DUSP15: variants seen among roughly 807,000 people sequenced by gnomAD.
The protein encoded by DUSP15 is dual specificity phosphatase 15.
DUSP15 carries 23 observed loss-of-function variants against 26.3 expected under a neutral mutation model. That is an observed-to-expected ratio of 0.87 (90% CI 0.63 to 1.24). The LOEUF is 1.24. Ranked by LOEUF, DUSP15 falls within the 50% of genes most tolerant of loss-of-function variation. DUSP15 has a pLI of 0.00. For missense variants in DUSP15, 364 were observed against 320.6 expected, an observed-to-expected ratio of 1.14 and a Z score of -1.03; for synonymous variants, 143 against 135.5, an observed-to-expected ratio of 1.06 and a Z score of -0.39.
Position 31,861,159 on chromosome 20 carries a change from G to A in DUSP15, c.*244C>T. On this transcript the variant is annotated 3_prime_UTR_variant, in exon 7 of 7. Coordinates refer to ENST00000339738, the MANE Select transcript of DUSP15 (RefSeq NM_080611.5). ...TCCCCTCCCGCCGCCTTTAAGGGTG[G>A]GCCCCCTCCCCCAGCCCAAGGACTA... 7.5e-7 allele frequency: 1 copy of A among 1,328,564 alleles called. No individual in the cohort carries two copies. Among genetic ancestry groups the A allele is most frequent in the African/African-American group, 1.5e-5 (1 of 64,794 alleles). The allele number at this position is 1,328,564 out of a possible 1,614,324, so 82.3% of individuals were successfully genotyped here. A position where few individuals can be genotyped will look rare whatever the true frequency, so the allele number is the denominator to read the frequency against.
At chr20:31,850,760 G>T (rs2062455790) in intron 6 of DUSP15, 2 of 1,409,760 alleles carry the variant, frequency 1.4e-6, no homozygotes, top group Non-Finnish European at 2.0e-6. Context: ...GAGGAGGCAG[G>T]GCTGGGTGAG....
rs1403274285 is a variant in DUSP15 at position 31,870,125 on chromosome 20, C to T, written c.21+192G>A. The stretch of plus-strand genomic sequence containing the variant: ...AGTCACGGAGAGAGGGCGGACACAG[C>T]GGGGACAGAGACGCAGGGTCAGAGA... On this transcript the variant is annotated intron_variant, in intron 1 of 6. Transcript: ENST00000339738. The surrounding 1 kb of genome is among the most constrained non-coding windows in gnomAD (Gnocchi z 6.6). The T allele has an allele frequency of 7.3e-6, 9 of 1,237,702 alleles. No homozygotes were observed. In the East Asian group the frequency reaches 2.6e-4, roughly 35 times the overall value. The allele number at this position is 1,237,702 out of a possible 1,614,324, so 76.7% of individuals were successfully genotyped here.
intron 6 of DUSP15, among the ~76,000 whole-genome samples, chr20:31,855,927 C>G (rs1271648424): frequency 6.6e-6 from 1 of 152,046 alleles, no homozygotes; most frequent in Non-Finnish European, 1.5e-5. Context: ...GGGGGAGGCT[C>G]TCTCTTTTTT....
At position 31,861,668 on chromosome 20, in the gene DUSP15, C is replaced by T. The variant is rs776179652; in HGVS notation, c.443G>A (p.Arg148Gln). 28 of 541,038 alleles carry T rather than the reference C, an allele frequency of 5.2e-5. No homozygotes were observed. Among genetic ancestry groups the T allele is most frequent in the Admixed American group, 2.8e-4 (8 of 28,860 alleles). The allele number at this position is 541,038 out of a possible 1,614,324, so 33.5% of individuals were successfully genotyped here. The change falls in exon 7 of 7, where the codon CGG becomes CAG. Residue 148 changes from arginine to glutamine, a missense_variant. Coordinates refer to ENST00000339738, the MANE Select transcript of DUSP15 (RefSeq NM_080611.5). ...FGWASSQKLR[R>Q]QLEERFGESP... ...CTCGCCGAAGCGCTCCTCCAGCTGC[C>T]GGCGAAGCTGGGGTGGGCGGGTGAG...
downstream of DUSP15, among the ~76,000 whole-genome samples, chr20:31,857,237 C>G (rs2062575327): frequency 1.3e-5 from 2 of 151,532 alleles, no homozygotes; most frequent in African/African-American, 4.9e-5. Flanking sequence ...GGGAAGAGAG[C>G]CCAGAATTGA....
At chr20:31,859,468 G>A (rs1360200086), downstream of DUSP15, among the ~76,000 whole-genome samples, 1 of 152,096 alleles carries the variant, frequency 6.6e-6, no homozygotes, top group Non-Finnish European at 1.5e-5. Context: ...CACAAAGCTG[G>A]GCACCCAGCC....
Position 31,862,632 on chromosome 20 carries a change from G to A in DUSP15, c.374C>T (p.Ala125Val), listed in dbSNP as rs761115143. The change falls in exon 6 of 7, where the codon GCC becomes GTC. Residue 125 changes from alanine to valine, a missense_variant. By Grantham distance (64) the Ala-to-Val change is moderately conservative (BLOSUM62 0). Transcript: ENST00000339738. ...LEAIKATRPIANPNPGFRQQL... is the reference protein window; with the variant it reads ...LEAIKATRPIVNPNPGFRQQL... ...CTGCCTAAAGCCTGGGTTGGGGTTGGCGATGGGCCTGGTGGCCTTGATGGC... is the reference window on the plus strand; with the variant it reads ...CTGCCTAAAGCCTGGGTTGGGGTTGACGATGGGCCTGGTGGCCTTGATGGC... The A allele has an allele frequency of 6.2e-6, 10 of 1,613,994 alleles. No homozygotes were observed. The highest frequency in any genetic ancestry group is 1.7e-6 in the Non-Finnish European group (2 of 1,180,022).
Position 31,867,102 on chromosome 20 carries a change from G to C in DUSP15, c.107C>G (p.Ser36Cys). 1 of 1,591,280 alleles carries C rather than the reference G, an allele frequency of 6.3e-7. No homozygotes were observed. The highest frequency in any genetic ancestry group is 8.6e-7 in the Non-Finnish European group (1 of 1,168,324). Reference protein sequence around the residue: ...LGRNKITHIISIHESPQPLLQ... With the variant: ...LGRNKITHIICIHESPQPLLQ... ...CAGAGGCTGGGGTGACTCATGGATA[G>C]AGATGATGTGTGTGATCTTATTTCG... The change falls in exon 3 of 7, where the codon TCT (serine) becomes TGT (cysteine). Residue 36 changes from serine (S) to cysteine (C), a missense_variant. By Grantham distance (112) the Ser-to-Cys change is moderately radical. Transcript: ENST00000339738.
intron 3 of DUSP15, among the ~76,000 whole-genome samples, 188 bp from the exon 4 acceptor site, chr20:31,865,190 C>T (rs1198210747): frequency 3.9e-5 from 6 of 152,126 alleles, no homozygotes; most frequent in African/African-American, 1.4e-4. Context: ...CTTGTGATTC[C>T]TGAACCTTCT....
chr20:31,870,519 G>A lies in DUSP15; in HGVS notation c.-182C>T, dbSNP rs2062901196. The stretch of plus-strand genomic sequence containing the variant: ...CACCGCCCGCCGACCCCCGGCCCGG[G>A]AGGGAAATGGTGGTGGAGCCGCCGC... On this transcript the variant is annotated 5_prime_UTR_variant, in exon 1 of 7. Transcript: ENST00000339738. The surrounding 1 kb of genome is among the most constrained non-coding windows in gnomAD (Gnocchi z 6.6). 10 of 1,435,256 alleles carry A rather than the reference G, an allele frequency of 7.0e-6. No homozygotes were observed. Among genetic ancestry groups the A allele is most frequent in the Non-Finnish European group, 9.1e-6 (10 of 1,097,654 alleles). 88.9% of individuals were successfully genotyped at this position (1,435,256 alleles called of 1,614,324 possible).
chr20:31,864,479 C>T, intron 4 of DUSP15: 2 of 1,053,036 alleles, frequency 1.9e-6, no homozygotes, highest in Non-Finnish European at 2.3e-6. Context: ...CAGTTATACT[C>T]CAGGCCCTAT....
Position 31,870,403 on chromosome 20 carries a change from T to G in DUSP15, c.-66A>C. The G allele has an allele frequency of 7.8e-7, 1 of 1,288,234 alleles. No individual in the cohort carries two copies. The highest frequency in any genetic ancestry group is 2.9e-5 in the East Asian group (1 of 34,182). The allele number at this position is 1,288,234 out of a possible 1,614,324, so 79.8% of individuals were successfully genotyped here. The stretch of plus-strand genomic sequence containing the variant: ...GCCCGGGAAGCGATCCGGTCACAGC[T>G]GCCCTGACGGCCCAGGCCCGACGCC... On this transcript the variant is annotated 5_prime_UTR_variant, in exon 1 of 7. Transcript: ENST00000339738. The surrounding 1 kb of genome is among the most constrained non-coding windows in gnomAD (Gnocchi z 6.6).
chr20:31,857,573 C>T (rs775731507), downstream of DUSP15, among the ~76,000 whole-genome samples: 5 of 152,216 alleles, frequency 3.3e-5, no homozygotes, highest in Non-Finnish European at 5.9e-5. Context: ...CCTCATCTGC[C>T]TCCACTCCCT....
At chr20:31,867,585 C>T (rs1254334305) in intron 2 of DUSP15, among the ~76,000 whole-genome samples, 2 of 150,110 alleles carry the variant, frequency 1.3e-5, no homozygotes, top group African/African-American at 2.5e-5. Context: ...CAGTGTGCCG[C>T]CATTAAAAAG....
chr20:31,845,955 TAGAGACATCACAAGAGGGAGAAAGAGGG>T (rs939838636), downstream of DUSP15, among the ~76,000 whole-genome samples: 7 of 145,102 alleles, frequency 4.8e-5, no homozygotes, highest in Non-Finnish European at 9.2e-5. Flanking sequence ...CAGAGAGAGG[TAGAGACATCACAAGAGGGAGAAAGAGGG>T]AGAGACAAAG....
chr20:31,862,293 C>T (rs1403047460), intron 6 of DUSP15, among the ~76,000 whole-genome samples: 1 of 152,144 alleles, frequency 6.6e-6, no homozygotes, highest in African/African-American at 2.4e-5. Flanking sequence ...CAGGTTCCAG[C>T]CAGGTAGGGC....
intron 3 of DUSP15, among the ~76,000 whole-genome samples, chr20:31,866,822 T>A (rs1211944763): frequency 6.6e-6 from 1 of 152,170 alleles, no homozygotes; most frequent in Non-Finnish European, 1.5e-5. Context: ...AGACTTCTGG[T>A]GCTAGATGGC....
At chr20:31,848,494 G>A in exon 10 of DUSP15, 1 of 1,611,510 alleles carries the variant, frequency 6.2e-7, no homozygotes, top group East Asian at 2.2e-5. Context: ...CAGGGGTTGA[G>A]GACCCATCTG....
At chr20:31,845,887 CA>C (rs924619528), downstream of DUSP15, among the ~76,000 whole-genome samples, 5 of 151,760 alleles carry the variant, frequency 3.3e-5, no homozygotes. Context: ...GAGACAAAAA[CA>C]AAATGAGACA....
Sources: allele counts gnomAD v4.1 joint callset (sites outside exome capture counted in the v4.1 genomes callset), GRCh38; gene constraint gnomAD v4.1.1; non-coding constraint Gnocchi (gnomAD v3.1); transcripts MANE v1.5; gene names NCBI Gene and HGNC (gene_info 2026-07-23, HGNC 2026-07-21).